The following AGBL1 variants were observed in gnomAD, a reference collection of about 807,000 sequenced individuals.
AGBL1 encodes AGBL carboxypeptidase 1.
AGBL1 carries 130 observed loss-of-function variants against 118.9 expected under a neutral mutation model. The ratio of observed to expected loss-of-function variants is 1.09; its 90% confidence interval spans 0.95 to 1.26. The LOEUF (loss-of-function observed/expected upper bound fraction) is 1.26. Ranked by LOEUF, AGBL1 falls within the 50% of genes most tolerant of loss-of-function variation. AGBL1 has a pLI of 0.00. For synonymous variants in AGBL1, 555 were observed against 478.9 expected, an observed-to-expected ratio of 1.16 and a Z score of -2.08; for missense variants, 1,584 against 1,298.1, an observed-to-expected ratio of 1.22 and a Z score of -3.38.
At chr15:86,260,831 A>C (rs2078970351) in intron 9 of AGBL1, among the ~76,000 whole-genome samples, 1 of 152,202 alleles carries the variant, frequency 6.6e-6, no homozygotes, top group African/African-American at 2.4e-5. Flanking sequence ...CCAGAATTCT[A>C]GCTGGTAAAG....
chr15:86,397,481 C>T lies in AGBL1; in HGVS notation c.2490C>T (p.Leu830=), dbSNP rs1490922963. 1.9e-6 allele frequency: 3 copies of T among 1,613,062 alleles called. No individual in the cohort carries two copies. Among genetic ancestry groups the T allele is most frequent in the South Asian group, 2.2e-5 (2 of 90,992 alleles). The part of the protein sequence containing the change: ...FLVSSDPVAR[L]LRENFIFKII... Reference sequence around the variant, plus strand: ...TCAGCAGTGACCCTGTGGCTAGGCTCTTGAGGGAAAACTTCATCTTCAAGA... The same window carrying T: ...TCAGCAGTGACCCTGTGGCTAGGCTTTTGAGGGAAAACTTCATCTTCAAGA... The change falls in exon 18 of 23, where the codon CTC becomes CTT. Residue 830 remains leucine (L), a synonymous_variant. Coordinates refer to ENST00000614907, the MANE Select transcript of AGBL1 (RefSeq NM_001386094.1).
chr15:86,416,571 A>AT (rs1421379332), intron 18 of AGBL1, among the ~76,000 whole-genome samples: 5 of 151,158 alleles, frequency 3.3e-5, no homozygotes, highest in African/African-American at 1.2e-4. Context: ...ACACTTTTTT[A>AT]TAAAAAAAAA....
intron 23 of AGBL1, among the ~76,000 whole-genome samples, chr15:86,970,907 A>T (rs1202478957): frequency 6.6e-6 from 1 of 152,046 alleles, no homozygotes; most frequent in Non-Finnish European, 1.5e-5. Flanking sequence ...TACAAATAAG[A>T]TCAATACATT....
intron 17 of AGBL1, among the ~76,000 whole-genome samples, chr15:86,329,685 C>T (rs2080240782): frequency 6.6e-6 from 1 of 151,980 alleles, no homozygotes; most frequent in Non-Finnish European, 1.5e-5. Context: ...CTCCAGGCAC[C>T]CAAAGCACCT....
At chr15:86,363,762 C>G (rs921383456) in intron 17 of AGBL1, among the ~76,000 whole-genome samples, 1 of 152,098 alleles carries the variant, frequency 6.6e-6, no homozygotes, top group Non-Finnish European at 1.5e-5. Flanking sequence ...AATGCCTGCT[C>G]GAGAGCTCTC....
intron 22 of AGBL1, among the ~76,000 whole-genome samples, chr15:86,679,821 A>G (rs935267563): frequency 1.3e-5 from 2 of 152,178 alleles, no homozygotes; most frequent in African/African-American, 4.8e-5. Context: ...ATTTACTTGA[A>G]TTAATAAAAT....
chr15:86,454,457 G>A (rs952116777), intron 18 of AGBL1, among the ~76,000 whole-genome samples: 4 of 152,138 alleles, frequency 2.6e-5, no homozygotes, highest in Admixed American at 1.3e-4. Flanking sequence ...ATTGCTCATA[G>A]CAGTTGTACT....
chr15:86,191,986 A>G (rs2077730228), intron 5 of AGBL1, among the ~76,000 whole-genome samples: 1 of 151,262 alleles, frequency 6.6e-6, no homozygotes, highest in African/African-American at 2.4e-5. Flanking sequence ...CTGTAGTACC[A>G]GCTACTTAGG....
At chr15:86,986,549 AAGG>A (rs60099388) in intron 23 of AGBL1, among the ~76,000 whole-genome samples, 132,614 of 151,444 alleles carry the variant, frequency 0.88, 58,353 homozygotes, top group South Asian at 0.98. Flanking sequence ...TAATAGCAAA[AAGG>A]AGGAGGAGGA....
intron 1 of AGBL1, among the ~76,000 whole-genome samples, chr15:86,108,597 G>C (rs1006018586): frequency 1.9e-4 from 29 of 152,138 alleles, no homozygotes; most frequent in African/African-American, 7.0e-4. Context: ...TTCTCTTCTT[G>C]TAAAATGCAA....
intron 23 of AGBL1, among the ~76,000 whole-genome samples, chr15:86,972,085 G>T (rs2141704908): frequency 6.6e-6 from 1 of 152,060 alleles, no homozygotes; most frequent in African/African-American, 2.4e-5. Flanking sequence ...CTCTCAGGCA[G>T]TTCTTTGTAG....
At chr15:86,131,473 C>G (rs902312176) in intron 1 of AGBL1, among the ~76,000 whole-genome samples, 1 of 151,966 alleles carries the variant, frequency 6.6e-6, no homozygotes, top group Non-Finnish European at 1.5e-5. Flanking sequence ...TTTCAAAATT[C>G]AATTTGTAAA....
chr15:86,919,573 GACACACACACACACACACACACACACAC>G (rs376501612), downstream of AGBL1, among the ~76,000 whole-genome samples: 147 of 128,848 alleles, frequency 1.1e-3, no homozygotes, highest in African/African-American at 3.6e-3. Context: ...TCCCTGTTGA[GACACACACACACACACACACACACACAC>G]ACACACACAC....
downstream of AGBL1, among the ~76,000 whole-genome samples, chr15:86,917,608 T>C (rs965486051): frequency 6.6e-6 from 1 of 152,166 alleles, no homozygotes; most frequent in South Asian, 2.1e-4. This position sits in a 1 kb window ranked among gnomAD's most constrained non-coding sequence, Gnocchi z 4.8. Flanking sequence ...CCAGGCCTTG[T>C]CATTGCGAAG....
chr15:86,294,137 G>T lies in AGBL1; in HGVS notation c.2221-1118G>T, dbSNP rs545734431. ...CAGGGGCGGGATGTGGTGGCTCATG[G>T]CTGTAATCCCAGCACTTTGGGAGGC... On this transcript the variant is annotated intron_variant, in intron 16 of 22. Transcript: ENST00000614907. Among the ~76,000 whole-genome samples, 5 of 152,054 alleles carry T rather than the reference G, an allele frequency of 3.3e-5. No homozygotes were observed. The South Asian group carries it at 1.0e-3, about 32-fold the overall frequency.
intron 18 of AGBL1, among the ~76,000 whole-genome samples, chr15:86,491,070 T>A (rs2082771339): frequency 6.6e-6 from 1 of 152,146 alleles, no homozygotes; most frequent in Admixed American, 6.6e-5. Context: ...CTAGGGTGAA[T>A]TGAGAAGTCA....
At chr15:87,014,697 T>C (rs2081592505) in intron 24 of AGBL1, among the ~76,000 whole-genome samples, 1 of 152,200 alleles carries the variant, frequency 6.6e-6, no homozygotes, top group Non-Finnish European at 1.5e-5. Context: ...ATTTTATTCC[T>C]GAACATTTTA....
downstream of AGBL1, among the ~76,000 whole-genome samples, chr15:86,917,475 T>G (rs944228555): frequency 3.9e-5 from 6 of 152,180 alleles, no homozygotes; most frequent in Non-Finnish European, 8.8e-5. This position sits in a 1 kb window ranked among gnomAD's most constrained non-coding sequence, Gnocchi z 4.8. Flanking sequence ...TCATTATTAC[T>G]GAGCACACTG....
chr15:86,546,039 A>C lies in AGBL1; in HGVS notation c.2723A>C (p.Asn908Thr). The change falls in exon 20 of 23, where the codon AAT becomes ACT. Residue 908 changes from asparagine to threonine, a missense_variant. Coordinates refer to ENST00000614907, the MANE Select transcript of AGBL1 (RefSeq NM_001386094.1). ...TTCCATGGCCACTCCCAAAAGAAGA[A>C]TGTGTTCCTTTATGGCTGTAGCATC... is the stretch of plus-strand genomic sequence containing the variant. Reference protein sequence around the residue: ...CDFHGHSQKKNVFLYGCSIKE... With the variant: ...CDFHGHSQKKTVFLYGCSIKE... 6.2e-7 allele frequency: 1 copy of C among 1,613,368 alleles called. No homozygotes were observed. Among genetic ancestry groups the C allele is most frequent in the Non-Finnish European group, 8.5e-7 (1 of 1,179,514 alleles).
Sources: gnomAD v4.1 joint callset for allele counts (sites outside exome capture counted in the v4.1 genomes callset) on GRCh38, gnomAD v4.1.1 for gene constraint, Gnocchi (gnomAD v3.1) non-coding constraint, MANE v1.5 for transcripts, NCBI Gene and HGNC (gene_info 2026-07-23, HGNC 2026-07-21) for gene names.